Variants in PRB4 observed in about 807,000 individuals in gnomAD.
The protein encoded by PRB4 is proline rich protein BstNI subfamily 4.
PRB4 carries 14 observed loss-of-function variants against 9.1 expected under a neutral mutation model. The observed-to-expected ratio is 1.54, with a 90% CI of 1.02 to 2.41. PRB4 has a LOEUF of 2.41. Among genes scored for constraint, PRB4 ranks in the 30% most tolerant of loss-of-function variants. PRB4 has a pLI of 0.00. For synonymous variants in PRB4, 102 were observed against 108.5 expected (o/e 0.94, Z 0.37); for missense variants, 381 against 299.3 (o/e 1.27, Z -2.02).
intron 1 of PRB4, among the ~76,000 whole-genome samples, chr12:11,309,624 C>A (rs1863006970): frequency 2.0e-5 from 3 of 152,138 alleles, no homozygotes; most frequent in African/African-American, 4.8e-5. Context: ...CATAGAACAG[C>A]CCCTTTTTTT....
At chr12:11,308,181 A>G in intron 3 of PRB4, 40 bp downstream of exon 3, 2 of 1,568,400 alleles carry the variant, frequency 1.3e-6, no homozygotes, top group Non-Finnish European at 8.7e-7. Context: ...GGAGAACTGT[A>G]GCAATTAGAG....
At chr12:11,309,430 G>A (rs775133850) in intron 1 of PRB4, 25 bp from the exon 2 acceptor site, 1 of 1,613,940 alleles carries the variant, frequency 6.2e-7, no homozygotes. Context: ...CAGGATGATG[G>A]GAAATGTTAC....
In PRB4 at chr12:11,310,196, G is replaced by A. The variant is rs749987284; in HGVS notation, c.64+139C>T. The A allele has an allele frequency of 9.7e-6, 10 of 1,026,808 alleles. No homozygotes were observed. In the Admixed American group the frequency reaches 1.4e-4, roughly 14 times the overall value. The allele number at this position is 1,026,808 out of a possible 1,614,324, so 63.6% of individuals were successfully genotyped here. ...TAGAAGTCCTTATTGTGGAATGAGG[G>A]CACAACAGGTCTCCTGATCCTAGGC... On this transcript the variant is annotated intron_variant, in intron 1 of 3. Coordinates refer to ENST00000279575, the MANE Select transcript of PRB4 (RefSeq NM_002723.6).
rs1862983905 is a variant in PRB4 at position 11,308,811 on chromosome 12, G to GTGGCTT, written c.166_171dup (p.Lys56_Pro57dup). ...TTTCCTCCTTGTGGGGGTGGTCCTT[G>GTGGCTT]TGGCTTTCCTGGAGGAGGTGGGGGA... is the stretch of plus-strand genomic sequence containing the variant. On this transcript the variant is annotated inframe_insertion, in exon 3 of 4. Transcript: ENST00000279575. 8.6e-7 allele frequency: 1 copy of GTGGCTT among 1,157,104 alleles called. No homozygotes were observed. The highest frequency in any genetic ancestry group is 1.1e-6 in the Non-Finnish European group (1 of 902,024). 71.7% of individuals were successfully genotyped at this position (1,157,104 alleles called of 1,614,324 possible).
At chr12:11,310,312 A>T in intron 1 of PRB4, 23 bp downstream of exon 1, 1 of 1,614,054 alleles carries the variant, frequency 6.2e-7, no homozygotes, top group Non-Finnish European at 8.5e-7. Flanking sequence ...CAGTCACCGC[A>T]TCTTTTCCCC....
Position 11,308,394 on chromosome 12 carries a change from G to C in PRB4, c.589C>G (p.Pro197Ala). Reference protein sequence around the residue: ...PQQEGNKPQGPPPPGKPQGPP... With the variant: ...PQQEGNKPQGAPPPGKPQGPP... The stretch of plus-strand genomic sequence containing the variant: ...CCTTGTGGCTTTCCAGGAGGTGGGG[G>C]ACCTTGAGGCTTGTTGCCTTCTTGT... The change falls in exon 3 of 4, where the codon CCC (proline) becomes GCC (alanine). Residue 197 changes from proline (P) to alanine (A), a missense_variant. By Grantham distance (27) the Pro-to-Ala change is conservative (BLOSUM62 -1). Around this residue, in one of 3 missense-constraint regions of PRB4, gnomAD observed 204 missense variants for 134.4 expected, o/e 1.52. Coordinates refer to ENST00000279575, the MANE Select transcript of PRB4 (RefSeq NM_002723.6). 1 of 1,604,246 alleles carries C rather than the reference G, an allele frequency of 6.2e-7. No individual in the cohort carries two copies. Among genetic ancestry groups the C allele is most frequent in the Non-Finnish European group, 8.5e-7 (1 of 1,172,020 alleles).
chr12:11,308,281 GC>G lies in PRB4; in HGVS notation c.701del (p.Gly234AlafsTer23), dbSNP rs1412118368. The G allele has an allele frequency of 1.9e-6, 3 of 1,608,566 alleles. No individual in the cohort carries two copies. Among genetic ancestry groups the G allele is most frequent in the Non-Finnish European group, 1.7e-6 (2 of 1,177,688 alleles). ...PQGPPPPPQGGRPPRPAQGQQ... is the reference protein window; with the variant it reads ...PQGPPPPPQGXRPPRPAQGQQ... ...GTCCCTGGGCAGGTCTGGGTGGCCT[GC>G]CCCCTTGAGGAGGTGGAGGTGGCCC... On this transcript the variant is annotated frameshift_variant, in exon 3 of 4. Transcript: ENST00000279575. LOFTEE classifies it low-confidence loss of function (END_TRUNC).
In PRB4 at chr12:11,308,448, G is replaced by T. The variant is rs778492600; in HGVS notation, c.535C>A (p.Pro179Thr). Residue 179 changes from proline (P) to threonine (T), a missense_variant, in exon 3 of 4, where the codon CCT (proline) becomes ACT (threonine). Physicochemically the swap from Pro to Thr is conservative, Grantham distance 38. This residue lies in a region of PRB4 where 204 missense variants were observed against 134.4 expected (regional missense o/e 1.52). Transcript: ENST00000279575. ...EGNKSRSARS[P>T]PGKPQGPPQQ... Reference sequence around the variant, plus strand: ...GGTGGTCCTTGTGGCTTTCCTGGAGGAGATCGGGCACTTCGGGACTTGTTT... The same window carrying T: ...GGTGGTCCTTGTGGCTTTCCTGGAGTAGATCGGGCACTTCGGGACTTGTTT... 4 of 1,613,830 alleles carry T rather than the reference G, an allele frequency of 2.5e-6. No individual in the cohort carries two copies. The highest frequency in any genetic ancestry group is 3.4e-6 in the Non-Finnish European group (4 of 1,179,960).
chr12:11,310,214 T>C, intron 1 of PRB4, 121 bp downstream of exon 1: 1 of 1,254,532 alleles, frequency 8.0e-7, no homozygotes. Flanking sequence ...GGTCTCCTGA[T>C]CCTAGGCATG....
At chr12:11,310,107 A>G (rs116662246) in intron 1 of PRB4, among the ~76,000 whole-genome samples, 2 of 152,276 alleles carry the variant, frequency 1.3e-5, no homozygotes, top group African/African-American at 4.8e-5. Context: ...TATAAATTCA[A>G]ATCTTACCTT....
In PRB4 at chr12:11,308,733, G is replaced by C; in HGVS notation, c.250C>G (p.Gln84Glu). The change falls in exon 3 of 4, where the codon CAA (glutamine) becomes GAA (glutamate). Residue 84 changes from glutamine to glutamate, a missense_variant. By Grantham distance (29) the Gln-to-Glu change is conservative. This residue lies in a region of PRB4 where 151 missense variants were observed against 105.8 expected (regional missense o/e 1.43). Coordinates refer to ENST00000279575, the MANE Select transcript of PRB4 (RefSeq NM_002723.6). ...PPGKPEGRPP[Q>E]GGNQSQGPPP... ...GGACCTTGGGACTGGTTGCCTCCTT[G>C]TGGGGGTCGTCCTTCTGGCTTTCCT... 1 of 1,611,776 alleles carries C rather than the reference G, an allele frequency of 6.2e-7. No individual in the cohort carries two copies. The highest frequency in any genetic ancestry group is 1.7e-5 in the Admixed American group (1 of 59,854).
chr12:11,309,974 T>G (rs1425330985), intron 1 of PRB4, among the ~76,000 whole-genome samples: 1 of 152,208 alleles, frequency 6.6e-6, no homozygotes, highest in East Asian at 1.9e-4. Context: ...GCCGACTGTC[T>G]GTACAGCAAG....
Position 11,309,373 on chromosome 12 carries a change from AT to A in PRB4, c.96del (p.Ser33GlnfsTer224). 1.2e-6 allele frequency: 2 copies of A among 1,614,134 alleles called. No individual in the cohort carries two copies. Among genetic ancestry groups the A allele is most frequent in the Non-Finnish European group, 1.7e-6 (2 of 1,179,974 alleles). On this transcript the variant is annotated frameshift_variant, in exon 2 of 4. Coordinates refer to ENST00000279575, the MANE Select transcript of PRB4 (RefSeq NM_002723.6). LOFTEE classifies it high-confidence loss of function. ...DVSQEESLFL[I>X]SGKPEGRRPQ... ...TTGAGAATGAATTGGGATTTACCTG[AT>A]ATTAGGAAGAGAGATTCTTCCTGGC...
At position 11,310,402 on chromosome 12, in the gene PRB4, G is replaced by A. The variant is rs775576905; in HGVS notation, c.-4C>T. 52 of 1,614,180 alleles carry A rather than the reference G, an allele frequency of 3.2e-5. No homozygotes were observed. The East Asian group carries it at 3.8e-4, about 12-fold the overall frequency. On this transcript the variant is annotated 5_prime_UTR_variant, in exon 1 of 4. Coordinates refer to ENST00000279575, the MANE Select transcript of PRB4 (RefSeq NM_002723.6). Reference sequence around the variant, plus strand: ...CTGACAGCAGAATCAGCAGCATCTCGCTGGAGGCTCTGGAGTCACTCCCAA... The same window carrying A: ...CTGACAGCAGAATCAGCAGCATCTCACTGGAGGCTCTGGAGTCACTCCCAA...
rs576867099 is a variant in PRB4, at chr12:11,309,484, G to A, written c.65-79C>T. The A allele has an allele frequency of 8.1e-6, 13 of 1,612,596 alleles. 1 individual carries two copies. The South Asian group carries it at 1.2e-4, about 15-fold the overall frequency. On this transcript the variant is annotated intron_variant, in intron 1 of 3. Transcript: ENST00000279575. Reference sequence around the variant, plus strand: ...TCACAAGTGTTCTACAGGGAAAATTGTCTTCTCACCACACCCCATGCATCC... The same window carrying A: ...TCACAAGTGTTCTACAGGGAAAATTATCTTCTCACCACACCCCATGCATCC...
intron 2 of PRB4, 143 bp downstream of exon 2, chr12:11,309,227 C>T: frequency 7.1e-7 from 1 of 1,414,958 alleles, no homozygotes; most frequent in South Asian, 1.3e-5. Context: ...ATCAAGTTTG[C>T]ATGAAGATTG....
At chr12:11,309,900 A>T (rs940027784) in intron 1 of PRB4, among the ~76,000 whole-genome samples, 2 of 152,166 alleles carry the variant, frequency 1.3e-5, no homozygotes, top group African/African-American at 4.8e-5. Context: ...TTAGACAGAG[A>T]CAAGTGTTCT....
rs946776598 is a variant in PRB4 at position 11,309,455 on chromosome 12, A to T, written c.65-50T>A. 3.1e-6 allele frequency: 5 copies of T among 1,613,850 alleles called. No individual in the cohort carries two copies. In the African/African-American group the frequency reaches 6.7e-5, roughly 22 times the overall value. On this transcript the variant is annotated intron_variant, in intron 1 of 3. Transcript: ENST00000279575. ...GGAAATGTTACATCTCAAATCTTCA[A>T]GACTCACAAGTGTTCTACAGGGAAA...
chr12:11,309,538 T>C, intron 1 of PRB4, 133 bp from the exon 2 acceptor site: 1 of 1,545,670 alleles, frequency 6.5e-7, no homozygotes, highest in Non-Finnish European at 8.9e-7. Context: ...CCACCATCTG[T>C]GAAGGTGCTG....
Sources: gnomAD v4.1 joint callset for allele counts (sites outside exome capture counted in the v4.1 genomes callset) on GRCh38, gnomAD v4.1.1 for gene constraint, gnomAD v4.1.1 regional missense constraint, MANE v1.5 for transcripts, NCBI Gene and HGNC (gene_info 2026-07-23, HGNC 2026-07-21) for gene names.